The following NFYA variants were observed in gnomAD, a reference collection of about 807,000 sequenced individuals.
The protein encoded by NFYA is nuclear transcription factor Y subunit alpha, also known as CAAT-box DNA binding protein subunit A.
NFYA carries 28 observed loss-of-function variants against 52.8 expected under a neutral mutation model. That is an observed-to-expected ratio of 0.53 (90% confidence interval 0.39 to 0.73). NFYA has a LOEUF of 0.73. Ranked by LOEUF, NFYA falls within the 30% of genes least tolerant of loss-of-function variation. The pLI, the probability that NFYA is intolerant of heterozygous loss-of-function variation, is 0.00. For synonymous variants in NFYA, 150 were observed against 150.7 expected (o/e 1.00, Z 0.03); for missense variants, 234 against 427.0 (o/e 0.55, Z 3.98).
Position 41,091,532 on chromosome 6 carries a change from A to C in NFYA, c.552A>C (p.Thr184=). 1 of 1,612,990 alleles carries C rather than the reference A, an allele frequency of 6.2e-7. No homozygotes were observed. The highest frequency in any genetic ancestry group is 8.5e-7 in the Non-Finnish European group (1 of 1,179,706). ...TTATGTTTTGTTTTCTTAAAGTTACAGTCCCTGTTTCAGGCATGATCACTA... is the reference window on the plus strand; with the variant it reads ...TTATGTTTTGTTTTCTTAAAGTTACCGTCCCTGTTTCAGGCATGATCACTA... ...NADGTILQQV[T]VPVSGMITIP... Residue 184 remains threonine, a synonymous_variant, in exon 7 of 10, where the codon ACA becomes ACC. Coordinates refer to ENST00000341376, the MANE Select transcript of NFYA (RefSeq NM_002505.5).
chr6:41,097,497 T>A lies in NFYA; in HGVS notation c.*87T>A. The A allele has an allele frequency of 1.4e-6, 2 of 1,403,008 alleles. No homozygotes were observed. Among genetic ancestry groups the A allele is most frequent in the Middle Eastern group, 1.8e-4 (1 of 5,590 alleles). The allele number at this position is 1,403,008 out of a possible 1,614,324, so 86.9% of individuals were successfully genotyped here. A position where few individuals can be genotyped will look rare whatever the true frequency, so the allele number is the denominator to read the frequency against. On this transcript the variant is annotated 3_prime_UTR_variant, in exon 10 of 10. Transcript: ENST00000341376. ...AACTCTTCCAATGGGACATTGATGA[T>A]CACATTCTGCCCTTTACTACAGGAC...
rs1217275841 is a variant in NFYA at position 41,102,000 on chromosome 6, T to C, written c.*4590T>C. 1 of 152,286 alleles carries C rather than the reference T, an allele frequency of 6.6e-6. No individual in the cohort carries two copies. The highest frequency in any genetic ancestry group is 1.9e-4 in the East Asian group (1 of 5,204). 9.4% of individuals were successfully genotyped at this position (152,286 alleles called of 1,614,324 possible). ...GGAGTTAACATCGTAATTTCTGCTT[T>C]GTTGGTCAGGGTTTACAGCATTAAT... On this transcript the variant is annotated 3_prime_UTR_variant, in exon 10 of 10. Coordinates refer to ENST00000341376, the MANE Select transcript of NFYA (RefSeq NM_002505.5).
At chr6:41,093,144 A>G (rs1764239784) in intron 8 of NFYA, 59 bp downstream of exon 8, 1 of 1,459,860 alleles carries the variant, frequency 6.8e-7, no homozygotes, top group Admixed American at 2.0e-5. Context: ...TACTTTTGAA[A>G]TTATCTTTTA....
rs574751108 is a variant in NFYA at position 41,097,970 on chromosome 6, G to T, written c.*560G>T. ...TTCTTCCAATCTGTGGTAATAATAA[G>T]AATTCCTCTCTGCCCAGATGGTAGG... On this transcript the variant is annotated 3_prime_UTR_variant, in exon 10 of 10. Transcript: ENST00000341376. The T allele has an allele frequency of 1.0e-4, 16 of 152,796 alleles. No homozygotes were observed. The highest frequency in any genetic ancestry group is 2.2e-4 in the Non-Finnish European group (15 of 68,200). The allele number at this position is 152,796 out of a possible 1,614,324, so 9.5% of individuals were successfully genotyped here. A position where few individuals can be genotyped will look rare whatever the true frequency, so the allele number is the denominator to read the frequency against.
At chr6:41,095,385 A>G (rs1016063625) in intron 9 of NFYA, among the ~76,000 whole-genome samples, 1 of 152,140 alleles carries the variant, frequency 6.6e-6, no homozygotes, top group African/African-American at 2.4e-5. Context: ...ATGCATGTCT[A>G]TCTCCCTATC....
In NFYA at chr6:41,099,335, C is replaced by T. The variant is rs1022205708; in HGVS notation, c.*1925C>T. ...AGATGCAGAGTTCAGAAAGAAATTA[C>T]TCAGACCTAACTTTGAGTGCTTAAG... On this transcript the variant is annotated 3_prime_UTR_variant, in exon 10 of 10. Transcript: ENST00000341376. The T allele has an allele frequency of 6.6e-6, 1 of 152,240 alleles. No individual in the cohort carries two copies. The highest frequency in any genetic ancestry group is 1.5e-5 in the Non-Finnish European group (1 of 68,042). 9.4% of individuals were successfully genotyped at this position (152,240 alleles called of 1,614,324 possible).
intron 4 of NFYA, among the ~76,000 whole-genome samples, chr6:41,087,911 C>T (rs560560677): frequency 6.6e-6 from 1 of 152,114 alleles, no homozygotes; most frequent in African/African-American, 2.4e-5. Flanking sequence ...GGATAGCACA[C>T]GATCCCTTGC....
In NFYA at chr6:41,100,681, C is replaced by G. The variant is rs926063903; in HGVS notation, c.*3271C>G. On this transcript the variant is annotated 3_prime_UTR_variant, in exon 10 of 10. Transcript: ENST00000341376. ...GTCCTTACCAAATTCAGAGATGACCCAAGATTCTACTCTGTGGTATGAGGG... is the reference window on the plus strand; with the variant it reads ...GTCCTTACCAAATTCAGAGATGACCGAAGATTCTACTCTGTGGTATGAGGG... 3.3e-5 allele frequency among the ~76,000 whole-genome samples: 5 copies of G among 152,206 alleles called. No homozygotes were observed. Among genetic ancestry groups the G allele is most frequent in the Non-Finnish European group, 4.4e-5 (3 of 68,044 alleles).
intron 1 of NFYA, among the ~76,000 whole-genome samples, chr6:41,073,873 C>G (rs368195051): frequency 1.2e-4 from 19 of 152,004 alleles, no homozygotes; most frequent in East Asian, 5.8e-4. Context: ...TTCCCCGCCC[C>G]GTTCGCAGTG....
At chr6:41,079,924 A>G (rs1427560879) in intron 2 of NFYA, among the ~76,000 whole-genome samples, 1 of 152,332 alleles carries the variant, frequency 6.6e-6, no homozygotes, top group Middle Eastern at 3.4e-3. Context: ...CCGTCTAATG[A>G]TCAAAGACGA....
intron 4 of NFYA, among the ~76,000 whole-genome samples, chr6:41,088,932 A>G (rs549556359): frequency 6.6e-6 from 1 of 152,108 alleles, no homozygotes; most frequent in South Asian, 2.1e-4. Context: ...GTACTTCATC[A>G]TTCACCAAAA....
At chr6:41,073,961 C>T (rs777023219) in intron 1 of NFYA, among the ~76,000 whole-genome samples, 2 of 151,514 alleles carry the variant, frequency 1.3e-5, no homozygotes, top group Admixed American at 6.6e-5. Flanking sequence ...CCAGTCCATT[C>T]GGTGCCTGGA....
At chr6:41,082,488 A>C (rs1474131769) in intron 3 of NFYA, among the ~76,000 whole-genome samples, 1 of 152,222 alleles carries the variant, frequency 6.6e-6, no homozygotes, top group Non-Finnish European at 1.5e-5. Flanking sequence ...TGGAGTCTCA[A>C]ATCATTTATC....
chr6:41,093,221 A>G (rs1419573999), intron 8 of NFYA, 136 bp downstream of exon 8: 2 of 758,216 alleles, frequency 2.6e-6, no homozygotes, highest in Non-Finnish European at 4.0e-6. Flanking sequence ...CTTTTGTAAG[A>G]GTTAGCATTT....
intron 4 of NFYA, among the ~76,000 whole-genome samples, chr6:41,086,963 A>G (rs1015603240): frequency 1.7e-4 from 26 of 152,218 alleles, no homozygotes; most frequent in African/African-American, 6.3e-4. Context: ...TTTTAAAAAC[A>G]AATTGACTAA....
chr6:41,089,094 C>T (rs1017408436), intron 4 of NFYA, among the ~76,000 whole-genome samples: 7 of 152,118 alleles, frequency 4.6e-5, no homozygotes, highest in Non-Finnish European at 7.4e-5. Context: ...AGTGATTTTC[C>T]GGCCTCAGTC....
At chr6:41,084,807 A>G (rs893159211) in intron 4 of NFYA, among the ~76,000 whole-genome samples, 2 of 152,180 alleles carry the variant, frequency 1.3e-5, no homozygotes, top group Admixed American at 6.5e-5. Flanking sequence ...TACTAAAAAT[A>G]AAAAATTAGC....
chr6:41,075,541 G>A (rs1411025485), intron 1 of NFYA: 1 of 152,048 alleles, frequency 6.6e-6, no homozygotes, highest in Non-Finnish European at 1.5e-5. Flanking sequence ...AAAGTAGTGT[G>A]GCCCCAAGCT....
chr6:41,090,338 CT>C (rs1402677709), intron 6 of NFYA, 29 bp downstream of exon 6: 7 of 1,500,362 alleles, frequency 4.7e-6, no homozygotes, highest in Non-Finnish European at 5.6e-6. Context: ...TTCCCTAGGA[CT>C]TTTTGGGGCA....
Sources: gnomAD v4.1 joint callset for allele counts (sites outside exome capture counted in the v4.1 genomes callset) on GRCh38, gnomAD v4.1.1 for gene constraint, MANE v1.5 for transcripts, NCBI Gene and HGNC (gene_info 2026-07-23, HGNC 2026-07-21) for gene names.